WAS: variants seen among roughly 807,000 people sequenced by gnomAD.
WAS encodes the protein actin nucleation-promoting factor WAS.
Under a neutral mutation model 38.9 loss-of-function variants are expected in WAS, and 1 was observed. The ratio of observed to expected loss-of-function variants is 0.03; its 90% CI spans 0.01 to 0.12. The LOEUF (loss-of-function observed/expected upper bound fraction) is 0.12. Among genes scored for constraint, WAS ranks in the 10% least tolerant of loss-of-function variants. The pLI, the probability that WAS is intolerant of heterozygous loss-of-function variation, is 1.00. For synonymous variants in WAS, 182 were observed against 173.6 expected (o/e 1.05, Z -0.38); for missense variants, 311 against 431.2 (o/e 0.72, Z 2.47).
At chrX:48,680,281 G>A (rs1173870736), upstream of WAS, among the ~76,000 whole-genome samples, 9 of 111,307 alleles carry the variant, frequency 8.1e-5, no homozygotes, top group Non-Finnish European at 1.7e-4. Flanking sequence ...CCTCTAAACC[G>A]TTAGGATTAA....
chrX:48,690,860 T>C (rs1281067693), intron 11 of WAS, among the ~76,000 whole-genome samples: 1 of 112,173 alleles, frequency 8.9e-6, no homozygotes, highest in Admixed American at 9.5e-5. Flanking sequence ...TATTATGTGA[T>C]AAATAGGTTA....
At chrX:48,681,301 G>A (rs949334116), upstream of WAS, among the ~76,000 whole-genome samples, 1 of 111,792 alleles carries the variant, frequency 8.9e-6, no homozygotes, top group African/African-American at 3.3e-5. Context: ...CTCCTGAGTA[G>A]CTGGGATTAC....
Position 48,689,034 on chromosome X carries a change from G to T in WAS, c.1306G>T (p.Asp436Tyr), listed in dbSNP as rs782235068. The change falls in exon 10 of 12, where the codon GAT (aspartate) becomes TAT (tyrosine). Residue 436 changes from aspartate (D) to tyrosine (Y), a missense_variant. Physicochemically the swap from Asp to Tyr is radical, Grantham distance 160 (BLOSUM62 -3). Around this residue, in one of 4 missense-constraint regions of WAS, gnomAD observed 142 missense variants for 157.6 expected, o/e 0.90. Coordinates refer to ENST00000376701, the MANE Select transcript of WAS (RefSeq NM_000377.3). Reference protein sequence around the residue: ...APGGGRGALLDQIRQGIQLNK... With the variant: ...APGGGRGALLYQIRQGIQLNK... The stretch of plus-strand genomic sequence containing the variant: ...TGGTGGGGGTCGGGGAGCGCTTTTG[G>T]ATCAAATCCGGCAGGGAATTCAGCT... The T allele has an allele frequency of 8.3e-7, 1 of 1,205,012 alleles. No individual in the cohort carries two copies. Among genetic ancestry groups the T allele is most frequent in the South Asian group, 1.8e-5 (1 of 56,583 alleles).
chrX:48,680,715 T>C (rs1383648250), upstream of WAS, among the ~76,000 whole-genome samples: 1 of 111,868 alleles, frequency 8.9e-6, no homozygotes, highest in Non-Finnish European at 1.9e-5. Flanking sequence ...TGCCCACCCC[T>C]TTCCTGGAAA....
chrX:48,682,034 C>T (rs1557005838), upstream of WAS, among the ~76,000 whole-genome samples: 1 of 112,083 alleles, frequency 8.9e-6, no homozygotes, highest in Admixed American at 9.5e-5. Flanking sequence ...AAACTGAGGC[C>T]TGGGGAGGCC....
chrX:48,680,906 T>A (rs1000658356), upstream of WAS, among the ~76,000 whole-genome samples: 1 of 111,780 alleles, frequency 8.9e-6, no homozygotes, highest in East Asian at 2.8e-4. Context: ...CCAGCAAATA[T>A]ATCAGAGGCT....
upstream of WAS, among the ~76,000 whole-genome samples, chrX:48,679,938 T>C (rs1384318955): frequency 1.8e-5 from 2 of 112,333 alleles, no homozygotes; most frequent in African/African-American, 6.5e-5. Flanking sequence ...AAACCCTCTC[T>C]TGGGTCTGGA....
In WAS at chrX:48,683,870, T is replaced by C; in HGVS notation, c.17T>C (p.Met6Thr). 2 of 1,211,392 alleles carry C rather than the reference T, an allele frequency of 1.7e-6. No homozygotes were observed. Among genetic ancestry groups the C allele is most frequent in the Non-Finnish European group, 2.2e-6 (2 of 895,310 alleles). Residue 6 changes from methionine to threonine, a missense_variant, in exon 1 of 12, where the codon ATG becomes ACG. Around this residue, in one of 4 missense-constraint regions of WAS, gnomAD observed 64 missense variants for 122.5 expected, o/e 0.52. Coordinates refer to ENST00000376701, the MANE Select transcript of WAS (RefSeq NM_000377.3). The stretch of plus-strand genomic sequence containing the variant: ...GAAAGCACCATGAGTGGGGGCCCAA[T>C]GGGAGGAAGGCCCGGGGGCCGAGGA... MSGGP[M>T]GGRPGGRGAP...
chrX:48,689,523 A>C, intron 11 of WAS, 89 bp downstream of exon 11: 2 of 755,643 alleles, frequency 2.6e-6, no homozygotes, highest in Non-Finnish European at 4.0e-6. Context: ...CAATAGTGAC[A>C]TCAGCCCCAT....
intron 1 of WAS, among the ~76,000 whole-genome samples, chrX:48,677,788 G>A (rs781956962): frequency 2.0e-4 from 22 of 112,453 alleles, no homozygotes; most frequent in South Asian, 7.3e-4. Context: ...TGGCCCCTGC[G>A]CACCCTGAGT....
Position 48,687,076 on chromosome X carries a change from T to C in WAS, c.734+121T>C. The stretch of plus-strand genomic sequence containing the variant: ...GCAGATGGCTGGGTGGCTGAGTGGG[T>C]AAATGGGTGGTTGGATAGGTAGGTG... On this transcript the variant is annotated intron_variant, in intron 7 of 11. Transcript: ENST00000376701. 3 of 927,144 alleles carry C rather than the reference T, an allele frequency of 3.2e-6. No homozygotes were observed. In the Admixed American group the frequency reaches 7.9e-5, roughly 24 times the overall value. 76.4% of individuals were successfully genotyped at this position (927,144 alleles called of 1,213,427 possible).
At chrX:48,680,485 G>GC (rs1384984793), upstream of WAS, among the ~76,000 whole-genome samples, 1 of 111,410 alleles carries the variant, frequency 9.0e-6, no homozygotes, top group Admixed American at 9.5e-5. Context: ...CAAAGATCTT[G>GC]CTGATAAAAC....
rs187207301 is a variant in WAS, at chrX:48,684,129, C to T, written c.132+144C>T. On this transcript the variant is annotated intron_variant, in intron 1 of 11. Coordinates refer to ENST00000376701, the MANE Select transcript of WAS (RefSeq NM_000377.3). ...GAATTTCCCGTCATAATCCACCCTT[C>T]CCAGGAAGATCTCAATGTCTACTTG... 338 of 1,087,130 alleles carry T rather than the reference C, an allele frequency of 3.1e-4. 1 individual carries two copies. In the East Asian group the frequency reaches 0.01, roughly 33 times the overall value. 89.6% of individuals were successfully genotyped at this position (1,087,130 alleles called of 1,213,427 possible).
chrX:48,683,666 T>C, upstream of WAS: 1 of 583,923 alleles, frequency 1.7e-6, no homozygotes, highest in Non-Finnish European at 2.6e-6. Context: ...AGGGTTCCAA[T>C]CTGATGGCGG....
chrX:48,679,052 C>T (rs1249070117), upstream of WAS, among the ~76,000 whole-genome samples: 5 of 107,825 alleles, frequency 4.6e-5, no homozygotes, highest in Admixed American at 2.0e-4. Flanking sequence ...TTTCAAGAGC[C>T]GACGTCTTGT....
intron 1 of WAS, 128 bp from the exon 2 acceptor site, chrX:48,684,155 C>T: frequency 9.0e-7 from 1 of 1,117,015 alleles, no homozygotes; most frequent in Non-Finnish European, 1.2e-6. Context: ...TGTCTACTTG[C>T]CTTCCCTCTG....
At chrX:48,686,680 A>G (rs1449083142) in intron 6 of WAS, 101 bp from the exon 7 acceptor site, 14 of 1,021,712 alleles carry the variant, frequency 1.4e-5, no homozygotes, top group Admixed American at 2.3e-5. Context: ...ATGACCATCC[A>G]ACACACACAC....
chrX:48,683,659 G>A, upstream of WAS: 1 of 546,744 alleles, frequency 1.8e-6, no homozygotes, highest in East Asian at 3.7e-5. Context: ...GTGGAGGAGG[G>A]TTCCAATCTG....
In WAS at chrX:48,685,769, C is replaced by T. The variant is rs1400887989; in HGVS notation, c.396C>T (p.Asp132=). The T allele has an allele frequency of 6.8e-6, 8 of 1,181,129 alleles. No individual in the cohort carries two copies. The highest frequency in any genetic ancestry group is 4.9e-5 in the Admixed American group (2 of 41,113). ...CQAGLNFADE[D]EAQAFRALVQ... is the part of the protein sequence containing the mutation. ...CGGGGCTGAACTTTGCAGACGAGGACGAGGCCCAGGCCTTCCGGGCCCTCG... is the reference window on the plus strand; with the variant it reads ...CGGGGCTGAACTTTGCAGACGAGGATGAGGCCCAGGCCTTCCGGGCCCTCG... The change falls in exon 4 of 12, where the codon GAC becomes GAT. Residue 132 remains aspartate (D), a synonymous_variant. Coordinates refer to ENST00000376701, the MANE Select transcript of WAS (RefSeq NM_000377.3).
Sources: gnomAD v4.1 joint callset for allele counts (sites outside exome capture counted in the v4.1 genomes callset) on GRCh38, gnomAD v4.1.1 for gene constraint, gnomAD v4.1.1 regional missense constraint, MANE v1.5 for transcripts, NCBI Gene and HGNC (gene_info 2026-07-23, HGNC 2026-07-21) for gene names.